The following PACRG variants were observed in gnomAD, a reference collection of about 807,000 sequenced individuals.
PACRG encodes parkin coregulated.
In PACRG, 29 loss-of-function variants were observed where a neutral mutation model predicts 29.7. The ratio of observed to expected loss-of-function variants is 0.98; its 90% CI spans 0.73 to 1.33. The LOEUF is 1.33. Among genes scored for constraint, PACRG ranks in the 40% most tolerant of loss-of-function variants. The pLI is 0.00. For synonymous variants in PACRG, 116 were observed against 118.7 expected, an observed-to-expected ratio of 0.98 and a Z score of 0.15; for missense variants, 279 against 316.2, an observed-to-expected ratio of 0.88 and a Z score of 0.89.
At chr6:162,999,516 T>C (rs1804391853) in intron 2 of PACRG, among the ~76,000 whole-genome samples, 1 of 152,176 alleles carries the variant, frequency 6.6e-6, no homozygotes, top group South Asian at 2.1e-4. Flanking sequence ...CCCACCTAAC[T>C]CTTCAGACCC....
intron 2 of PACRG, among the ~76,000 whole-genome samples, chr6:162,971,127 G>A (rs889464850): frequency 1.3e-5 from 2 of 152,204 alleles, no homozygotes; most frequent in African/African-American, 4.8e-5. Context: ...AGCATTCTGG[G>A]TGAAGGCTTT....
At chr6:163,236,989 G>A (rs1454946636) in intron 4 of PACRG, among the ~76,000 whole-genome samples, 1 of 152,116 alleles carries the variant, frequency 6.6e-6, no homozygotes, top group African/African-American at 2.4e-5. Context: ...CATGAGAACA[G>A]CAAGGGGAAA....
chr6:163,304,037 AAG>A lies in PACRG; in HGVS notation c.614-10789_614-10788del, dbSNP rs1490534419. Among the ~76,000 whole-genome samples the A allele has an allele frequency of 2.6e-3, 394 of 149,504 alleles. 1 individual carries two copies. The highest frequency in any genetic ancestry group is 9.1e-3 in the African/African-American group (372 of 40,780). On this transcript the variant is annotated intron_variant, in intron 4 of 4. Coordinates refer to ENST00000366888, the MANE Select transcript of PACRG (RefSeq NM_001080379.2). ...TTTCAAAAAAAAAAAAAAAAAAAAA[AAG>A]TAAATGGGATAATCTCATTTTTCAC...
chr6:163,104,324 A>AT (rs1181235041), intron 4 of PACRG, among the ~76,000 whole-genome samples: 4 of 151,774 alleles, frequency 2.6e-5, no homozygotes, highest in African/African-American at 7.3e-5. Context: ...TGTGCATTCA[A>AT]TTTTTTTTTA....
intron 1 of PACRG, among the ~76,000 whole-genome samples, chr6:162,784,692 A>G (rs1047665290): frequency 1.3e-5 from 2 of 152,190 alleles, no homozygotes; most frequent in Admixed American, 6.5e-5. Context: ...GCTGAAAAAT[A>G]TTGATATTCT....
intron 4 of PACRG, among the ~76,000 whole-genome samples, chr6:163,253,143 T>C (rs6455887): frequency 0.49 from 74,537 of 150,598 alleles, 19,423 homozygotes; most frequent in African/African-American, 0.69. Context: ...CTAAGTAAAA[T>C]ACAAAAATTA....
At chr6:162,750,309 C>T (rs1781422178) in intron 1 of PACRG, among the ~76,000 whole-genome samples, 1 of 152,122 alleles carries the variant, frequency 6.6e-6, no homozygotes, top group Non-Finnish European at 1.5e-5. Flanking sequence ...AATGATAGCA[C>T]ATTAAACTGG....
At chr6:163,217,338 G>A (rs1290934798) in intron 4 of PACRG, among the ~76,000 whole-genome samples, 1 of 152,234 alleles carries the variant, frequency 6.6e-6, no homozygotes, top group South Asian at 2.1e-4. Context: ...TGATAGGCAG[G>A]TCTAGGCATA....
chr6:162,997,543 A>G, intron 2 of PACRG: 2 of 411,472 alleles, frequency 4.9e-6, no homozygotes, highest in African/African-American at 2.1e-5. Flanking sequence ...TTCAATGTCA[A>G]GGTGGGCCCA....
chr6:162,887,036 T>C (rs538188510), intron 2 of PACRG, among the ~76,000 whole-genome samples: 106 of 152,204 alleles, frequency 7.0e-4, no homozygotes, highest in African/African-American at 2.4e-3. Context: ...GCCTCCCGAG[T>C]AGCTGGGATT....
chr6:163,208,293 C>A (rs1432416958), intron 4 of PACRG, among the ~76,000 whole-genome samples: 1 of 151,424 alleles, frequency 6.6e-6, no homozygotes, highest in Non-Finnish European at 1.5e-5. Context: ...TTTTTCTCTT[C>A]TTTTCTTGTC....
rs1196782585 is a variant in PACRG at position 163,214,059 on chromosome 6, A to G, written c.614-100768A>G. Among the ~76,000 whole-genome samples the G allele has an allele frequency of 2.6e-5, 4 of 152,284 alleles. No individual in the cohort carries two copies. The East Asian group carries it at 5.8e-4, about 22-fold the overall frequency. On this transcript the variant is annotated intron_variant, in intron 4 of 4. Transcript: ENST00000366888. ...CTTAACTATTTCTTCTCCAGGGCCA[A>G]CCAAACTCTTTTCATTAATAACATG...
intron 1 of PACRG, among the ~76,000 whole-genome samples, chr6:162,797,650 GT>G (rs1002827338): frequency 6.6e-6 from 1 of 151,920 alleles, no homozygotes; most frequent in Non-Finnish European, 1.5e-5. Context: ...AAAAATATTT[GT>G]TTTTTTCTCA....
At chr6:163,041,617 G>A (rs193211951) in intron 2 of PACRG, among the ~76,000 whole-genome samples, 5 of 152,150 alleles carry the variant, frequency 3.3e-5, no homozygotes, top group Admixed American at 2.0e-4. Flanking sequence ...TCTTTCCTTC[G>A]TAAATTACCC....
At chr6:163,000,487 G>A (rs1326523372) in intron 2 of PACRG, among the ~76,000 whole-genome samples, 2 of 152,132 alleles carry the variant, frequency 1.3e-5, no homozygotes, top group Non-Finnish European at 2.9e-5. Flanking sequence ...CCAAACAGAA[G>A]AGAGTGTGGT....
intron 2 of PACRG, among the ~76,000 whole-genome samples, chr6:162,947,473 A>ATATATATACTCATATATATATAATC (rs1489020837): frequency 3.0e-5 from 1 of 33,144 alleles, no homozygotes; most frequent in African/African-American, 1.1e-4. Context: ...CATATATAAT[A>ATATATATACTCATATATATATAATC]TATATATAAT....
intron 4 of PACRG, among the ~76,000 whole-genome samples, chr6:163,231,595 C>T (rs527566509): frequency 6.6e-6 from 1 of 152,286 alleles, no homozygotes; most frequent in East Asian, 1.9e-4. Flanking sequence ...GCCAGGATGC[C>T]TCAGCAAAAG....
chr6:162,976,906 A>G (rs1357609588), intron 2 of PACRG, among the ~76,000 whole-genome samples: 1 of 152,128 alleles, frequency 6.6e-6, no homozygotes, highest in Non-Finnish European at 1.5e-5. Flanking sequence ...ATATAAAAAA[A>G]TACGCAAAAT....
At chr6:162,766,798 T>C (rs753000297) in intron 1 of PACRG, among the ~76,000 whole-genome samples, 1 of 152,154 alleles carries the variant, frequency 6.6e-6, no homozygotes, top group Non-Finnish European at 1.5e-5. Flanking sequence ...CTATCTGTGA[T>C]AGAAATTAAG....
Sources: gnomAD v4.1 joint callset for allele counts (sites outside exome capture counted in the v4.1 genomes callset) on GRCh38, gnomAD v4.1.1 for gene constraint, MANE v1.5 for transcripts, NCBI Gene and HGNC (gene_info 2026-07-23, HGNC 2026-07-21) for gene names.